The following TCF4 variants were observed in gnomAD, a reference collection of about 807,000 sequenced individuals.
The protein encoded by TCF4 is SL3-3 enhancer factor 2.
A neutral mutation model predicts 82.1 loss-of-function variants in TCF4; 3 were observed. The observed-to-expected ratio is 0.04, with a 90% confidence interval of 0.02 to 0.09. TCF4 has a LOEUF of 0.09. Ranked by LOEUF, TCF4 falls within the 10% of genes least tolerant of loss-of-function variation. The probability of loss-of-function intolerance (pLI) is 1.00; values close to 1 mark genes in which losing one functional copy is unlikely to be tolerated. For synonymous variants in TCF4, 276 were observed against 309.6 expected, an observed-to-expected ratio of 0.89 and a Z score of 1.14; for missense variants, 518 against 852.7, an observed-to-expected ratio of 0.61 and a Z score of 4.89.
chr18:55,244,882 T>A (rs915711333), intron 15 of TCF4, among the ~76,000 whole-genome samples: 1 of 152,166 alleles, frequency 6.6e-6, no homozygotes, highest in Non-Finnish European at 1.5e-5. Context: ...AAGGCAAATG[T>A]GAAATTAAAA....
chr18:55,536,989 C>G (rs1467650300), intron 3 of TCF4, among the ~76,000 whole-genome samples: 1 of 151,938 alleles, frequency 6.6e-6, no homozygotes, highest in Non-Finnish European at 1.5e-5. Flanking sequence ...AGAAAATTAG[C>G]CGGGTGTGGT....
intron 8 of TCF4, among the ~76,000 whole-genome samples, chr18:55,307,149 G>GA (rs60359973): frequency 6.6e-6 from 1 of 151,956 alleles, no homozygotes; most frequent in Non-Finnish European, 1.5e-5. Flanking sequence ...TAGGAAGAGG[G>GA]AAAAAAATTA....
At chr18:55,627,474 G>A (rs1176797154) in intron 2 of TCF4, among the ~76,000 whole-genome samples, 1 of 152,112 alleles carries the variant, frequency 6.6e-6, no homozygotes, top group Non-Finnish European at 1.5e-5. Context: ...GTCAAGAAAG[G>A]CTTCATAGGC....
intron 6 of TCF4, among the ~76,000 whole-genome samples, chr18:55,362,674 T>C (rs1456942074): frequency 6.6e-6 from 1 of 152,174 alleles, no homozygotes; most frequent in Non-Finnish European, 1.5e-5. Context: ...AACAAGCAAA[T>C]AACTTTACAG....
At chr18:55,369,930 T>C (rs1166090810) in intron 6 of TCF4, among the ~76,000 whole-genome samples, 1 of 152,144 alleles carries the variant, frequency 6.6e-6, no homozygotes, top group African/African-American at 2.4e-5. Flanking sequence ...TGTGTGTGTG[T>C]GTGTGTTTGA....
At chr18:55,284,089 CTT>C (rs1601407318) in intron 8 of TCF4, among the ~76,000 whole-genome samples, 1 of 152,108 alleles carries the variant, frequency 6.6e-6, no homozygotes, top group African/African-American at 2.4e-5. Flanking sequence ...TAGAAATACT[CTT>C]GTGGCATCTG....
At chr18:55,322,296 G>A in intron 8 of TCF4, 2 of 1,045,650 alleles carry the variant, frequency 1.9e-6, no homozygotes, top group Non-Finnish European at 2.3e-6. Context: ...AAAGCGAGTG[G>A]CAGGAAGGGA....
intron 3 of TCF4, among the ~76,000 whole-genome samples, chr18:55,569,600 A>G (rs1487217926): frequency 6.6e-6 from 1 of 152,000 alleles, no homozygotes; most frequent in Admixed American, 6.6e-5. Context: ...ACAAGTAACA[A>G]ATAATTTGAA....
At chr18:55,269,473 A>T (rs1315631917) in intron 11 of TCF4, 1 of 327,818 alleles carries the variant, frequency 3.1e-6, no homozygotes, top group Non-Finnish European at 6.0e-6. Context: ...GTGGTCAATA[A>T]CTACCATTAA....
At chr18:55,580,024 GA>G (rs939028931) in intron 3 of TCF4, among the ~76,000 whole-genome samples, 2 of 151,948 alleles carry the variant, frequency 1.3e-5, no homozygotes, top group Non-Finnish European at 2.9e-5. Context: ...TTATTTAAGT[GA>G]TTTCCTCATT....
At chr18:55,505,527 G>C (rs974162015) in intron 3 of TCF4, among the ~76,000 whole-genome samples, 2 of 152,016 alleles carry the variant, frequency 1.3e-5, no homozygotes, top group Non-Finnish European at 2.9e-5. Context: ...CAACCGGGCC[G>C]GGCGCGGTGG....
chr18:55,283,283 GA>G (rs1035036177), intron 8 of TCF4, among the ~76,000 whole-genome samples: 18 of 147,264 alleles, frequency 1.2e-4, no homozygotes, highest in South Asian at 6.4e-4. Context: ...ACTCATCAAA[GA>G]AAAAAAAATT....
In TCF4 at chr18:55,226,063, T is replaced by A. The variant is rs548273227; in HGVS notation, c.*1972A>T. 6.6e-6 allele frequency: 1 copy of A among 152,572 alleles called. No homozygotes were observed. The highest frequency in any genetic ancestry group is 1.5e-5 in the Non-Finnish European group (1 of 67,958). 9.5% of individuals were successfully genotyped at this position (152,572 alleles called of 1,614,324 possible). ...AACTGATACAATGTATTAAAACACA[T>A]AATAACAAGAGTCTACATGTAAAAA... is the stretch of plus-strand genomic sequence containing the variant. On this transcript the variant is annotated 3_prime_UTR_variant, in exon 20 of 20. Transcript: ENST00000354452.
intron 8 of TCF4, among the ~76,000 whole-genome samples, chr18:55,282,513 T>C (rs61056739): frequency 0.045 from 6,792 of 152,150 alleles, 291 homozygotes; most frequent in African/African-American, 0.11. Context: ...GCTTTCAAAG[T>C]ATGGGTTTCA....
intron 6 of TCF4, among the ~76,000 whole-genome samples, chr18:55,372,615 A>C (rs192639294): frequency 6.6e-6 from 1 of 152,306 alleles, no homozygotes; most frequent in East Asian, 1.9e-4. Flanking sequence ...TTCTGAAAAA[A>C]ATTACATAAG....
chr18:55,362,700 G>A (rs1312945891), intron 6 of TCF4, among the ~76,000 whole-genome samples: 1 of 152,204 alleles, frequency 6.6e-6, no homozygotes, highest in African/African-American at 2.4e-5. Flanking sequence ...GAATAGGACT[G>A]TGATCTTTAA....
Position 55,334,464 on chromosome 18 carries a change from A to G in TCF4, c.549+15895T>C, listed in dbSNP as rs147485678. 2.8e-4 allele frequency among the ~76,000 whole-genome samples: 43 copies of G among 152,244 alleles called. No individual in the cohort carries two copies. In the East Asian group the frequency reaches 6.2e-3, roughly 22 times the overall value. On this transcript the variant is annotated intron_variant, in intron 8 of 19. Coordinates refer to ENST00000354452, the MANE Select transcript of TCF4 (RefSeq NM_001083962.2). ...AATTCCAAGATAAAAATGAACCTTAATTTAAAGCATTAAAAACTCTGAGCT... is the reference window on the plus strand; with the variant it reads ...AATTCCAAGATAAAAATGAACCTTAGTTTAAAGCATTAAAAACTCTGAGCT...
intron 8 of TCF4, among the ~76,000 whole-genome samples, chr18:55,285,153 GAGA>G (rs1199022262): frequency 6.6e-6 from 1 of 152,174 alleles, no homozygotes; most frequent in African/African-American, 2.4e-5. Flanking sequence ...ATAAAGCAAG[GAGA>G]AGATGTACTC....
intron 3 of TCF4, among the ~76,000 whole-genome samples, chr18:55,548,717 A>G (rs1026820146): frequency 6.6e-6 from 1 of 152,222 alleles, no homozygotes; most frequent in African/African-American, 2.4e-5. Context: ...AAACCTGCAC[A>G]GCATGTTATT....
Sources: allele counts gnomAD v4.1 joint callset (sites outside exome capture counted in the v4.1 genomes callset), GRCh38; gene constraint gnomAD v4.1.1; transcripts MANE v1.5; gene names NCBI Gene and HGNC (gene_info 2026-07-23, HGNC 2026-07-21).